Variants in COX10 observed in about 807,000 individuals in gnomAD.
COX10 encodes cytochrome c oxidase assembly factor heme A:farnesyltransferase COX10, also known as protoheme IX farnesyltransferase, mitochondrial.
A neutral mutation model predicts 37.3 loss-of-function variants in COX10; 27 were observed. The ratio of observed to expected loss-of-function variants is 0.72; its 90% CI spans 0.53 to 1.00. The LOEUF is 1.00. Ranked by LOEUF, COX10 falls within the 50% of genes least tolerant of loss-of-function variation. COX10 has a pLI of 0.00. For synonymous variants in COX10, 222 were observed against 229.1 expected (o/e 0.97, Z 0.28); for missense variants, 475 against 563.2 (o/e 0.84, Z 1.59).
At chr17:14,153,690 GT>G (rs1904965473) in intron 4 of COX10, among the ~76,000 whole-genome samples, 1 of 152,178 alleles carries the variant, frequency 6.6e-6, no homozygotes, top group East Asian at 1.9e-4. Context: ...TCGTGAAATA[GT>G]TTGACAGTTT....
chr17:14,170,465 A>G (rs1054584693), intron 5 of COX10, among the ~76,000 whole-genome samples: 10 of 152,166 alleles, frequency 6.6e-5, no homozygotes, highest in Non-Finnish European at 1.2e-4. Context: ...AAGCATGACA[A>G]GTCATTTAAT....
chr17:14,118,792 T>C (rs1356273714), intron 4 of COX10, among the ~76,000 whole-genome samples: 1 of 152,140 alleles, frequency 6.6e-6, no homozygotes, highest in Non-Finnish European at 1.5e-5. Context: ...TAGGTATTCT[T>C]ATCTCTTAGA....
intron 3 of COX10, among the ~76,000 whole-genome samples, chr17:14,081,685 T>C (rs1296554199): frequency 6.6e-6 from 1 of 152,198 alleles, no homozygotes; most frequent in Non-Finnish European, 1.5e-5. Flanking sequence ...ACTTCCTTCA[T>C]AGGGTTGTTC....
chr17:14,203,461 G>A (rs183776456), intron 6 of COX10, among the ~76,000 whole-genome samples: 4 of 152,186 alleles, frequency 2.6e-5, no homozygotes, highest in East Asian at 3.9e-4. Flanking sequence ...CACAAATTCC[G>A]CTTGATAAGC....
At chr17:14,103,658 C>T (rs1039849471) in intron 4 of COX10, among the ~76,000 whole-genome samples, 3 of 152,104 alleles carry the variant, frequency 2.0e-5, no homozygotes, top group African/African-American at 7.2e-5. Flanking sequence ...TCTCATCCCA[C>T]CCCTTTTCTT....
rs1301175043 is a variant in COX10, at chr17:14,175,441, G to A, written c.695+15494G>A. Among the ~76,000 whole-genome samples, 8 of 151,596 alleles carry A rather than the reference G, an allele frequency of 5.3e-5. No homozygotes were observed. In the South Asian group the frequency reaches 8.4e-4, roughly 16 times the overall value. ...AACTTCTCTGAGGCTCTGTTTCCTCGCCTATAAAATGAGGTTTGTGCCTTC... is the reference window on the plus strand; with the variant it reads ...AACTTCTCTGAGGCTCTGTTTCCTCACCTATAAAATGAGGTTTGTGCCTTC... On this transcript the variant is annotated intron_variant, in intron 5 of 6. Transcript: ENST00000261643.
Position 14,113,162 on chromosome 17 carries a change from C to G in COX10, c.624+10920C>G, listed in dbSNP as rs182679496. Among the ~76,000 whole-genome samples the G allele has an allele frequency of 8.4e-4, 128 of 152,256 alleles. No homozygotes were observed. The Middle Eastern group carries it at 0.024, about 28-fold the overall frequency. ...GTCATTCATTCATTCATTAAAATGT[C>G]AACAGACATTTCAGTTGACCTAGTC... On this transcript the variant is annotated intron_variant, in intron 4 of 6. Coordinates refer to ENST00000261643, the MANE Select transcript of COX10 (RefSeq NM_001303.4).
At chr17:14,111,860 A>G (rs1916010949) in intron 4 of COX10, among the ~76,000 whole-genome samples, 1 of 152,118 alleles carries the variant, frequency 6.6e-6, no homozygotes, top group African/African-American at 2.4e-5. Flanking sequence ...AATGTTACTG[A>G]TGTAATCTAC....
At chr17:14,178,612 T>C (rs1052529930) in intron 5 of COX10, among the ~76,000 whole-genome samples, 4 of 150,896 alleles carry the variant, frequency 2.7e-5, no homozygotes, top group Admixed American at 1.3e-4. Flanking sequence ...AAGGGTGGCC[T>C]GCTCACCACT....
chr17:14,185,165 T>A (rs1323440230), intron 5 of COX10, among the ~76,000 whole-genome samples: 2 of 152,088 alleles, frequency 1.3e-5, no homozygotes, highest in Non-Finnish European at 2.9e-5. Flanking sequence ...TCACAAAAAA[T>A]TTAAATATTG....
chr17:14,206,835 C>T lies in COX10; in HGVS notation c.954C>T (p.Leu318=). 1 of 1,614,198 alleles carries T rather than the reference C, an allele frequency of 6.2e-7. No individual in the cohort carries two copies. Among genetic ancestry groups the T allele is most frequent in the Non-Finnish European group, 8.5e-7 (1 of 1,180,034 alleles). The part of the protein sequence containing the change: ...DAGAFLLGGI[L]YSWQFPHFNA... ...GCGCATTTCTCCTGGGAGGAATCCT[C>T]TACTCCTGGCAGTTTCCTCATTTCA... Residue 318 remains leucine, a synonymous_variant, in exon 7 of 7, where the codon CTC becomes CTT. Transcript: ENST00000261643.
At chr17:14,131,678 T>C (rs2142219780) in intron 4 of COX10, among the ~76,000 whole-genome samples, 1 of 152,188 alleles carries the variant, frequency 6.6e-6, no homozygotes, top group African/African-American at 2.4e-5. Flanking sequence ...TAGAAAATAT[T>C]ACAGGACACA....
At chr17:14,100,698 T>C (rs998244900) in intron 3 of COX10, among the ~76,000 whole-genome samples, 1 of 152,220 alleles carries the variant, frequency 6.6e-6, no homozygotes, top group South Asian at 2.1e-4. Flanking sequence ...GTTTACATTT[T>C]ATATCAGGTA....
chr17:14,206,706 C>A, intron 6 of COX10, 104 bp from the exon 7 acceptor site: 1 of 1,441,414 alleles, frequency 6.9e-7, no homozygotes, highest in Non-Finnish European at 9.7e-7. Flanking sequence ...GGTGGCAGAG[C>A]TTCTGAGGTG....
At chr17:14,122,042 T>C (rs1331917036) in intron 4 of COX10, among the ~76,000 whole-genome samples, 1 of 151,146 alleles carries the variant, frequency 6.6e-6, no homozygotes, top group Non-Finnish European at 1.5e-5. Context: ...CTCTAAAGAG[T>C]TGAGATTGGA....
intron 5 of COX10, among the ~76,000 whole-genome samples, chr17:14,178,476 C>T (rs1390588673): frequency 1.4e-5 from 2 of 141,540 alleles, no homozygotes; most frequent in Admixed American, 1.5e-4. Flanking sequence ...CCTGTCGCCT[C>T]ATTGGTTCCT....
chr17:14,163,066 C>T (rs1302755592), intron 5 of COX10, among the ~76,000 whole-genome samples: 1 of 152,088 alleles, frequency 6.6e-6, no homozygotes, highest in African/African-American at 2.4e-5. Flanking sequence ...AATAAAGTTA[C>T]TGACTGGTTT....
At chr17:14,149,731 G>A (rs1904834243) in intron 4 of COX10, among the ~76,000 whole-genome samples, 1 of 152,126 alleles carries the variant, frequency 6.6e-6, no homozygotes, top group Non-Finnish European at 1.5e-5. Context: ...GGGAGGAGCC[G>A]GTGTCATGAT....
chr17:14,112,807 C>T (rs1321098433), intron 4 of COX10, among the ~76,000 whole-genome samples: 1 of 152,080 alleles, frequency 6.6e-6, no homozygotes, highest in East Asian at 1.9e-4. Flanking sequence ...AATTTTATAA[C>T]ATGGAGGACC....
Sources: allele counts gnomAD v4.1 joint callset (sites outside exome capture counted in the v4.1 genomes callset), GRCh38; gene constraint gnomAD v4.1.1; transcripts MANE v1.5; gene names NCBI Gene and HGNC (gene_info 2026-07-23, HGNC 2026-07-21).